The following PSG6 variants were observed in gnomAD, a reference collection of about 807,000 sequenced individuals.
PSG6 encodes pregnancy specific beta-1-glycoprotein 6.
In PSG6, 51 loss-of-function variants were observed where a neutral mutation model predicts 43.3. The ratio of observed to expected loss-of-function variants is 1.18; its 90% confidence interval spans 0.94 to 1.49. PSG6 has a LOEUF of 1.49. Among genes scored for constraint, PSG6 ranks in the 40% most tolerant of loss-of-function variants. The pLI, the probability that PSG6 is intolerant of heterozygous loss-of-function variation, is 0.00. For synonymous variants in PSG6, 292 were observed against 197.6 expected (o/e 1.48, Z -4.01); for missense variants, 770 against 522.2 (o/e 1.47, Z -4.62).
intron 5 of PSG6, 54 bp from the exon 6 acceptor site, chr19:42,902,500 A>G: frequency 6.3e-7 from 1 of 1,598,650 alleles, no homozygotes; most frequent in Non-Finnish European, 8.5e-7. Flanking sequence ...CCTCCTTTAC[A>G]GAGAAAGCTT....
intron 3 of PSG6, 154 bp downstream of exon 3, chr19:42,910,426 C>A: frequency 6.3e-7 from 1 of 1,582,194 alleles, no homozygotes. Context: ...CCTAGGCCTA[C>A]TCTGGTTTGC....
At chr19:42,908,958 G>T (rs1387042601) in intron 3 of PSG6, among the ~76,000 whole-genome samples, 1 of 151,460 alleles carries the variant, frequency 6.6e-6, no homozygotes, top group African/African-American at 2.4e-5. Flanking sequence ...AGTTGGAGAG[G>T]TTCTAGAGAT....
At chr19:42,917,402 C>T (rs141061953) in intron 1 of PSG6, among the ~76,000 whole-genome samples, 1 of 138,298 alleles carries the variant, frequency 7.2e-6, no homozygotes, top group South Asian at 2.4e-4. Flanking sequence ...CTCGTACTGT[C>T]ACCCAGGCTG....
Position 42,906,951 on chromosome 19 carries a change from A to C in PSG6, c.1211T>G (p.Ile404Ser), listed in dbSNP as rs1065525. The C allele has an allele frequency of 4.0e-3, 6,452 of 1,612,242 alleles. 172 individuals carry two copies. Among genetic ancestry groups the C allele is most frequent in the Non-Finnish European group, 4.4e-3 (5,144 of 1,179,054 alleles). Residue 404 changes from isoleucine to serine, a missense_variant, in exon 5 of 6, where the codon ATC becomes AGC. Ile to Ser is a moderately radical substitution (Grantham distance 142, BLOSUM62 -2). Transcript: ENST00000187910. ...SVRNSATGKE[I>S]SKSMIVKVSG... ...GACTTTGACTATCATGGATTTGGAGATTTCCTTGCCAGTGGCTGAGTTACG... is the reference window on the plus strand; with the variant it reads ...GACTTTGACTATCATGGATTTGGAGCTTTCCTTGCCAGTGGCTGAGTTACG...
intron 2 of PSG6, among the ~76,000 whole-genome samples, chr19:42,911,848 C>T (rs1221133916): frequency 6.6e-6 from 1 of 151,526 alleles, no homozygotes; most frequent in Non-Finnish European, 1.5e-5. Flanking sequence ...TACCTCATAT[C>T]AGTGGATTCC....
chr19:42,908,496 G>A (rs1972160521), intron 3 of PSG6, among the ~76,000 whole-genome samples: 1 of 151,764 alleles, frequency 6.6e-6, no homozygotes, highest in Admixed American at 6.6e-5. Flanking sequence ...GACCTCTAAA[G>A]ATAGAGCAGA....
intron 3 of PSG6, among the ~76,000 whole-genome samples, chr19:42,909,475 G>A (rs1972177977): frequency 6.6e-6 from 1 of 151,582 alleles, no homozygotes; most frequent in Non-Finnish European, 1.5e-5. Flanking sequence ...TCTGGTAGGG[G>A]TTGCATTGAA....
At chr19:42,916,520 G>A (rs1271548909) in intron 1 of PSG6, 33 bp from the exon 2 acceptor site, 1 of 1,591,230 alleles carries the variant, frequency 6.3e-7, no homozygotes, top group Non-Finnish European at 8.6e-7. Context: ...GTTAATATTT[G>A]GACCTATGTA....
intron 2 of PSG6, chr19:42,915,683 G>T (rs1366325867): frequency 3.2e-5 from 7 of 219,826 alleles, no homozygotes; most frequent in Admixed American, 3.1e-4. Flanking sequence ...CCCAGTCCTG[G>T]CACAGGCTCC....
rs374672237 is a variant in PSG6, at chr19:42,906,609, G to A, written c.1240+313C>T. On this transcript the variant is annotated intron_variant, in intron 5 of 5. Transcript: ENST00000187910. ...CAGAAGGGGATGTGTTCGTGACAGC[G>A]AGAAGCAACTTGATCTTGAGGACTC... The A allele has an allele frequency of 1.3e-5, 17 of 1,354,886 alleles. No individual in the cohort carries two copies. In the African/African-American group the frequency reaches 1.3e-4, roughly 11 times the overall value. The allele number at this position is 1,354,886 out of a possible 1,614,324, so 83.9% of individuals were successfully genotyped here.
Position 42,902,203 on chromosome 19 carries a change from G to A in PSG6, c.*209C>T, listed in dbSNP as rs537164320. On this transcript the variant is annotated 3_prime_UTR_variant, in exon 6 of 6. Transcript: ENST00000187910. ...AATGTTTCAATTTTTGTTTACAAAA[G>A]TATACTTTACCAATTGCTGAAGAAA... 1.6e-6 allele frequency: 1 copy of A among 616,614 alleles called. No individual in the cohort carries two copies. Among genetic ancestry groups the A allele is most frequent in the Non-Finnish European group, 2.7e-6 (1 of 374,016 alleles). The allele number at this position is 616,614 out of a possible 1,614,324, so 38.2% of individuals were successfully genotyped here.
chr19:42,904,074 G>T (rs1360126913), intron 5 of PSG6, among the ~76,000 whole-genome samples: 1 of 151,586 alleles, frequency 6.6e-6, no homozygotes, highest in Non-Finnish European at 1.5e-5. Context: ...TCAGTAAGAA[G>T]ATTGAATCAA....
rs1041029245 is a variant in PSG6 at position 42,910,973 on chromosome 19, C to T, written c.428-115G>A. 1.3e-5 allele frequency: 20 copies of T among 1,507,482 alleles called. No homozygotes were observed. In the African/African-American group the frequency reaches 1.7e-4, roughly 13 times the overall value. 93.4% of individuals were successfully genotyped at this position (1,507,482 alleles called of 1,614,324 possible). A position where few individuals can be genotyped will look rare whatever the true frequency, so the allele number is the denominator to read the frequency against. On this transcript the variant is annotated intron_variant, in intron 2 of 5. Coordinates refer to ENST00000187910, the MANE Select transcript of PSG6 (RefSeq NM_001031850.4). ...CTCAGCCCACCCAAGTCCTTAAAAG[C>T]CCATGGCAGGTGTGTGTGTTACAAG...
intron 5 of PSG6, 154 bp downstream of exon 5, chr19:42,906,768 A>G (rs1797571522): frequency 6.3e-7 from 1 of 1,582,988 alleles, no homozygotes; most frequent in Non-Finnish European, 8.6e-7. Context: ...GAGAGTCTGT[A>G]GAGATAAGTT....
chr19:42,916,506 A>G lies in PSG6; in HGVS notation c.65-19T>C, dbSNP rs762310197. On this transcript the variant is annotated intron_variant, in intron 1 of 5. Transcript: ENST00000187910. ...AGTGATGCTAGGAGGTAGAGACAGC[A>G]TCAGTTAATATTTGGACCTATGTAT... 12 of 1,600,038 alleles carry G rather than the reference A, an allele frequency of 7.5e-6. No individual in the cohort carries two copies. The African/African-American group carries it at 1.3e-4, about 18-fold the overall frequency.
intron 2 of PSG6, among the ~76,000 whole-genome samples, chr19:42,913,510 A>G (rs1277720028): frequency 1.3e-5 from 2 of 151,642 alleles, no homozygotes; most frequent in Non-Finnish European, 2.9e-5. Context: ...TAGTGTTAGA[A>G]CCGAGTGACA....
At chr19:42,911,065 G>C (rs1248183877) in intron 2 of PSG6, among the ~76,000 whole-genome samples, 8 of 151,546 alleles carry the variant, frequency 5.3e-5, no homozygotes, top group Admixed American at 5.3e-4. Context: ...GAGAAGCATG[G>C]ACTTTCTCAA....
At chr19:42,908,824 C>G (rs1229733431) in intron 3 of PSG6, among the ~76,000 whole-genome samples, 1 of 151,622 alleles carries the variant, frequency 6.6e-6, no homozygotes, top group Non-Finnish European at 1.5e-5. Context: ...CCATGGGTTC[C>G]ACTAATCTAG....
chr19:42,910,178 A>T, intron 3 of PSG6: 1 of 335,730 alleles, frequency 3.0e-6, no homozygotes. Context: ...GGCCATGCGG[A>T]GCAAAGAGAA....
Sources: gnomAD v4.1 joint callset for allele counts (sites outside exome capture counted in the v4.1 genomes callset) on GRCh38, gnomAD v4.1.1 for gene constraint, MANE v1.5 for transcripts, NCBI Gene and HGNC (gene_info 2026-07-23, HGNC 2026-07-21) for gene names.